Variants in CRYM observed in about 807,000 individuals in gnomAD.
CRYM encodes ketimine reductase mu-crystallin.
A neutral mutation model predicts 32.9 loss-of-function variants in CRYM; 18 were observed. The observed-to-expected ratio is 0.55, with a 90% CI of 0.38 to 0.81. CRYM has a LOEUF of 0.81. Ranked by LOEUF, CRYM falls within the 30% of genes least tolerant of loss-of-function variation. The probability of loss-of-function intolerance (pLI) is 0.00; values close to 1 mark genes in which losing one functional copy is unlikely to be tolerated. For synonymous variants in CRYM, 153 were observed against 152.4 expected (o/e 1.00, Z -0.03); for missense variants, 337 against 393.5 (o/e 0.86, Z 1.21).
intron 3 of CRYM, among the ~76,000 whole-genome samples, chr16:21,271,941 C>T (rs2093376228): frequency 6.6e-6 from 1 of 152,036 alleles, no homozygotes; most frequent in Admixed American, 6.6e-5. Context: ...TCACTGCAAC[C>T]TCTGCTTCCT....
intron 4 of CRYM, 26 bp downstream of exon 4, chr16:21,269,764 T>TCCCCCCCCCCC: frequency 1.0e-6 from 1 of 971,982 alleles, no homozygotes; most frequent in Non-Finnish European, 1.6e-6. Context: ...TTCCCTCTTC[T>TCCCCCCCCCCC]CTCCCACCCC....
chr16:21,288,087 T>C (rs1372059773), intron 1 of CRYM, among the ~76,000 whole-genome samples: 3 of 152,194 alleles, frequency 2.0e-5, no homozygotes, highest in Admixed American at 2.0e-4. Flanking sequence ...GAAAATACTT[T>C]GTAGTGCTAG....
intron 1 of CRYM, chr16:21,283,479 C>A (rs532359260): frequency 3.8e-4 from 58 of 152,096 alleles, no homozygotes; most frequent in Non-Finnish European, 2.6e-4. Flanking sequence ...GTATAAAAGT[C>A]TTTATTTTGA....
At chr16:21,267,852 A>T (rs2093367466) in intron 4 of CRYM, 115 bp from the exon 5 acceptor site, 1 of 968,746 alleles carries the variant, frequency 1.0e-6, no homozygotes. Flanking sequence ...GTCAGTGGTT[A>T]TCTAAATCAC....
intron 1 of CRYM, 28 bp downstream of exon 1, chr16:21,278,054 G>T: frequency 6.5e-7 from 1 of 1,532,714 alleles, no homozygotes; most frequent in Non-Finnish European, 8.8e-7. Flanking sequence ...AGTTTCTCCT[G>T]CCCCTGACCC....
At chr16:21,296,494 C>T (rs1243084075) in intron 1 of CRYM, among the ~76,000 whole-genome samples, 1 of 152,080 alleles carries the variant, frequency 6.6e-6, no homozygotes, top group African/African-American at 2.4e-5. Context: ...AATAAAAGAA[C>T]ACAAATCTAC....
intron 5 of CRYM, among the ~76,000 whole-genome samples, chr16:21,263,228 C>G (rs1479210780): frequency 6.6e-6 from 1 of 151,974 alleles, no homozygotes; most frequent in Non-Finnish European, 1.5e-5. Context: ...ATGGTGAAAC[C>G]CTGTCTCTAC....
At chr16:21,271,026 G>A (rs2093374354) in intron 3 of CRYM, among the ~76,000 whole-genome samples, 1 of 152,144 alleles carries the variant, frequency 6.6e-6, no homozygotes, top group Non-Finnish European at 1.5e-5. Context: ...AGTCTTATTT[G>A]CACAGAACTG....
chr16:21,266,922 G>A (rs892311578), intron 5 of CRYM, among the ~76,000 whole-genome samples: 18 of 151,764 alleles, frequency 1.2e-4, no homozygotes, highest in Non-Finnish European at 1.9e-4. Flanking sequence ...TGGGAGAATC[G>A]CTTGAACCCA....
At chr16:21,265,333 C>T (rs75033452) in intron 5 of CRYM, among the ~76,000 whole-genome samples, 9 of 152,130 alleles carry the variant, frequency 5.9e-5, no homozygotes, top group Non-Finnish European at 1.2e-4. Context: ...ACCCTGAATG[C>T]CTTTCCTTCA....
At chr16:21,264,101 T>G (rs1448369142) in intron 5 of CRYM, among the ~76,000 whole-genome samples, 1 of 152,252 alleles carries the variant, frequency 6.6e-6, no homozygotes, top group African/African-American at 2.4e-5. Flanking sequence ...ATATGCCTTC[T>G]TCCACTGCCG....
Position 21,262,044 on chromosome 16 carries a change from A to G in CRYM, c.788T>C (p.Leu263Pro). The part of the protein sequence containing the change: ...AALKESGDVL[L>P]SGAEIFAELG... ...GGGTCAGAAGGGCCTCACCCCTGAC[A>G]GCAGGACATCTCCAGACTCCTTCAG... The change falls in exon 6 of 8, where the codon CTG (leucine) becomes CCG (proline). Residue 263 changes from leucine to proline, a missense_variant. Leu to Pro is a moderately conservative substitution (Grantham distance 98). Coordinates refer to ENST00000572914, the MANE Select transcript of CRYM (RefSeq NM_001376256.1). 2 of 1,614,028 alleles carry G rather than the reference A, an allele frequency of 1.2e-6. No individual in the cohort carries two copies. Among genetic ancestry groups the G allele is most frequent in the Non-Finnish European group, 1.7e-6 (2 of 1,179,944 alleles).
intron 2 of CRYM, among the ~76,000 whole-genome samples, chr16:21,275,823 C>T (rs1404091519): frequency 6.6e-6 from 1 of 152,160 alleles, no homozygotes; most frequent in East Asian, 1.9e-4. Flanking sequence ...TAATGCCAGC[C>T]ATTCAGAGGG....
chr16:21,260,216 C>T lies in CRYM; in HGVS notation c.880+1038G>A, dbSNP rs148176286. On this transcript the variant is annotated intron_variant, in intron 7 of 7. Transcript: ENST00000572914. ...AAGGTCATGAGAGGGGGACAGAGGG[C>T]ACTCTCGAGGGGCTCAGGATAGCAA... 4.8e-3 allele frequency among the ~76,000 whole-genome samples: 732 copies of T among 152,288 alleles called. 6 individuals are homozygous for T. Among genetic ancestry groups the T allele is most frequent in the Non-Finnish European group, 7.7e-3 (521 of 68,018 alleles).
chr16:21,296,868 G>A (rs1960799453), intron 1 of CRYM, among the ~76,000 whole-genome samples: 1 of 152,006 alleles, frequency 6.6e-6, no homozygotes, highest in Non-Finnish European at 1.5e-5. Context: ...AATTAGCCGG[G>A]CATGGTGGCA....
chr16:21,260,016 C>T (rs543418439), intron 7 of CRYM, among the ~76,000 whole-genome samples: 19 of 152,290 alleles, frequency 1.2e-4, no homozygotes, highest in African/African-American at 3.8e-4. Flanking sequence ...GTCTTTGAAC[C>T]AGGCTCCAGA....
At chr16:21,301,751 G>T (rs958661556) in intron 1 of CRYM, among the ~76,000 whole-genome samples, 1 of 152,326 alleles carries the variant, frequency 6.6e-6, no homozygotes, top group East Asian at 1.9e-4. Flanking sequence ...GCTCCCGGCC[G>T]GGTCCGCGCG....
chr16:21,284,737 G>T (rs2093404730), intron 1 of CRYM, among the ~76,000 whole-genome samples: 1 of 152,180 alleles, frequency 6.6e-6, no homozygotes, highest in Admixed American at 6.5e-5. Context: ...ATGCTGCAAT[G>T]AACATACAGA....
intron 1 of CRYM, among the ~76,000 whole-genome samples, chr16:21,297,987 T>C (rs1960822658): frequency 6.6e-6 from 1 of 152,228 alleles, no homozygotes; most frequent in African/African-American, 2.4e-5. Context: ...CATTAAAAAA[T>C]GTTTAAATCT....
Sources: gnomAD v4.1 joint callset for allele counts (sites outside exome capture counted in the v4.1 genomes callset) on GRCh38, gnomAD v4.1.1 for gene constraint, MANE v1.5 for transcripts, NCBI Gene and HGNC (gene_info 2026-07-23, HGNC 2026-07-21) for gene names.